The following ATAD2B variants were observed in gnomAD, a reference collection of about 807,000 sequenced individuals.
ATAD2B encodes the protein ATPase family AAA domain-containing protein 2B.
A neutral mutation model predicts 167.6 loss-of-function variants in ATAD2B; 40 were observed. The ratio of observed to expected loss-of-function variants is 0.24; its 90% CI spans 0.19 to 0.31. The LOEUF (loss-of-function observed/expected upper bound fraction) is 0.31, where lower values mean the gene tolerates loss of function less well. Among genes scored for constraint, ATAD2B ranks in the 10% least tolerant of loss-of-function variants. The pLI, the probability that ATAD2B is intolerant of heterozygous loss-of-function variation, is 1.00. For missense variants in ATAD2B, 1,242 were observed against 1,757.2 expected (o/e 0.71, Z 5.24); for synonymous variants, 579 against 596.5 (o/e 0.97, Z 0.43).
the ATAD2B span, chr2:23,696,311 C>G: frequency 6.4e-7 from 1 of 1,550,432 alleles, no homozygotes; most frequent in Non-Finnish European, 8.7e-7. This position sits in a 1 kb window ranked among gnomAD's most constrained non-coding sequence, Gnocchi z 5.5. Context: ...CCCGCTCTCT[C>G]TGCCTCCCAC....
chr2:23,743,934 TA>T (rs962801192), downstream of ATAD2B, among the ~76,000 whole-genome samples: 2 of 151,760 alleles, frequency 1.3e-5, no homozygotes, highest in African/African-American at 2.4e-5. Context: ...TGATTATACA[TA>T]AAAAAACAGG....
At chr2:23,726,744 G>A in the ATAD2B span, among the ~76,000 whole-genome samples, 3 of 152,282 alleles carry the variant, frequency 2.0e-5, no homozygotes, top group South Asian at 6.2e-4. Context: ...AATTAAATAA[G>A]CCGGACACAA....
chr2:23,731,311 G>A, the ATAD2B span, among the ~76,000 whole-genome samples: 2 of 152,130 alleles, frequency 1.3e-5, no homozygotes, highest in African/African-American at 2.4e-5. Context: ...AATAGACAAA[G>A]AAATATTTCT....
At chr2:23,838,969 CAA>C (rs1690449699) in intron 13 of ATAD2B, among the ~76,000 whole-genome samples, 1 of 152,096 alleles carries the variant, frequency 6.6e-6, no homozygotes, top group Admixed American at 6.5e-5. Flanking sequence ...GTTTGCCAGT[CAA>C]GTTTTAATAT....
chr2:23,792,283 G>A (rs1338966060), intron 19 of ATAD2B, among the ~76,000 whole-genome samples: 2 of 151,854 alleles, frequency 1.3e-5, no homozygotes, highest in Admixed American at 6.6e-5. Context: ...TCCTGACCTC[G>A]TGATCCACCA....
At chr2:23,841,013 C>A (rs1055742937) in intron 13 of ATAD2B, among the ~76,000 whole-genome samples, 4 of 152,130 alleles carry the variant, frequency 2.6e-5, no homozygotes, top group Non-Finnish European at 5.9e-5. Flanking sequence ...CTCAAGCAAT[C>A]CTCCTACTTC....
At chr2:23,784,001 A>G (rs1300303077) in intron 21 of ATAD2B, among the ~76,000 whole-genome samples, 1 of 152,084 alleles carries the variant, frequency 6.6e-6, no homozygotes, top group African/African-American at 2.4e-5. Flanking sequence ...AATATTAAGT[A>G]GAAGTGTATG....
chr2:23,872,861 T>A, intron 8 of ATAD2B: 1 of 915,552 alleles, frequency 1.1e-6, no homozygotes, highest in South Asian at 1.3e-5. Flanking sequence ...GTCAAACTCA[T>A]AGCCAGCCAT....
At chr2:23,859,407 C>G (rs1693976818) in intron 12 of ATAD2B, among the ~76,000 whole-genome samples, 1 of 152,022 alleles carries the variant, frequency 6.6e-6, no homozygotes, top group South Asian at 2.1e-4. Context: ...CCCACCAGCT[C>G]AATCAATTCT....
At chr2:23,840,554 T>C (rs1690717726) in intron 13 of ATAD2B, among the ~76,000 whole-genome samples, 2 of 152,224 alleles carry the variant, frequency 1.3e-5, no homozygotes, top group Admixed American at 6.5e-5. Flanking sequence ...TAAAATTATC[T>C]GCTTTTTGTT....
chr2:23,692,437 C>T, the ATAD2B span, among the ~76,000 whole-genome samples: 3,294 of 152,290 alleles, frequency 0.022, 125 homozygotes, highest in African/African-American at 0.074. Context: ...GCATGGGCGA[C>T]GGCAAGGTGA....
At chr2:23,838,029 TA>T (rs1690290614) in intron 13 of ATAD2B, among the ~76,000 whole-genome samples, 1 of 152,200 alleles carries the variant, frequency 6.6e-6, no homozygotes, top group Non-Finnish European at 1.5e-5. Flanking sequence ...AACACCTGCC[TA>T]AAATAACTTC....
At chr2:23,862,639 G>A (rs1254246415) in intron 12 of ATAD2B, among the ~76,000 whole-genome samples, 1 of 152,052 alleles carries the variant, frequency 6.6e-6, no homozygotes, top group Non-Finnish European at 1.5e-5. Context: ...ATAAATAGTA[G>A]ACATAGTCCA....
At chr2:23,902,889 A>T (rs1363355746) in intron 1 of ATAD2B, among the ~76,000 whole-genome samples, 3 of 152,098 alleles carry the variant, frequency 2.0e-5, no homozygotes, top group Non-Finnish European at 2.9e-5. Context: ...ACACAGCAAG[A>T]CCTGTCTCTT....
At chr2:23,880,255 G>T (rs1385001305) in intron 7 of ATAD2B, among the ~76,000 whole-genome samples, 1 of 152,118 alleles carries the variant, frequency 6.6e-6, no homozygotes, top group African/African-American at 2.4e-5. Flanking sequence ...TCAGTTGCAT[G>T]TGTGTGCACA....
intron 13 of ATAD2B, among the ~76,000 whole-genome samples, chr2:23,844,008 A>G (rs1297694989): frequency 2.0e-5 from 3 of 152,098 alleles, no homozygotes; most frequent in Non-Finnish European, 1.5e-5. Flanking sequence ...GCGTCATCTC[A>G]GCTCACCGCA....
chr2:23,740,963 G>A, the ATAD2B span, among the ~76,000 whole-genome samples: 1 of 152,108 alleles, frequency 6.6e-6, no homozygotes. Flanking sequence ...TTGCTTCAAA[G>A]AGAATAAAAT....
chr2:23,887,011 C>T (rs1168072230), intron 4 of ATAD2B, among the ~76,000 whole-genome samples: 4 of 151,824 alleles, frequency 2.6e-5, no homozygotes, highest in Admixed American at 2.0e-4. Flanking sequence ...GGCACGGTGG[C>T]TCATGCCTGT....
intron 22 of ATAD2B, among the ~76,000 whole-genome samples, chr2:23,775,055 A>G (rs984540760): frequency 1.3e-5 from 2 of 152,212 alleles, no homozygotes; most frequent in Non-Finnish European, 2.9e-5. Flanking sequence ...AAGTAAACAA[A>G]TAACTATGGG....
Sources: gnomAD v4.1 joint callset for allele counts (sites outside exome capture counted in the v4.1 genomes callset) on GRCh38, gnomAD v4.1.1 for gene constraint, Gnocchi (gnomAD v3.1) non-coding constraint, MANE v1.5 for transcripts, NCBI Gene and HGNC (gene_info 2026-07-23, HGNC 2026-07-21) for gene names.